Variants in BOD1L1 observed in about 807,000 individuals in gnomAD.
BOD1L1 encodes the protein biorientation of chromosomes in cell division 1 like 1.
In BOD1L1, 86 loss-of-function variants were observed where a neutral mutation model predicts 240.7. That is an observed-to-expected ratio of 0.36 (90% CI 0.30 to 0.43). The LOEUF is 0.43. BOD1L1 is among the 20% of genes least tolerant of loss of function. The probability of loss-of-function intolerance (pLI) is 1.00; values close to 1 mark genes in which losing one functional copy is unlikely to be tolerated. For synonymous variants in BOD1L1, 1,268 were observed against 1,272.3 expected (o/e 1.00, Z 0.07); for missense variants, 3,554 against 3,643.5 (o/e 0.98, Z 0.63).
At position 13,614,559 on chromosome 4, in the gene BOD1L1, G is replaced by C. The variant is rs747820118; in HGVS notation, c.811C>G (p.Leu271Val). ...KSTADSGGEGLETAPKSEEFS... is the reference protein window; with the variant it reads ...KSTADSGGEGVETAPKSEEFS... ...TCTTCAGACTTTGGGGCTGTTTCCA[G>C]TCCTTCACCTCCAGAGTCAGCTGTA... The change falls in exon 4 of 26, where the codon CTG becomes GTG. Residue 271 changes from leucine (L) to valine (V), a missense_variant. By Grantham distance (32) the Leu-to-Val change is conservative. Transcript: ENST00000040738. 3 of 1,613,952 alleles carry C rather than the reference G, an allele frequency of 1.9e-6. No homozygotes were observed. Among genetic ancestry groups the C allele is most frequent in the Non-Finnish European group, 2.5e-6 (3 of 1,179,882 alleles).
At chr4:13,598,272 A>C (rs1235402492) in intron 10 of BOD1L1, among the ~76,000 whole-genome samples, 1 of 152,228 alleles carries the variant, frequency 6.6e-6, no homozygotes. Flanking sequence ...TATATTCTAA[A>C]CTAGAAACTC....
intron 2 of BOD1L1, among the ~76,000 whole-genome samples, chr4:13,618,549 C>T (rs1032051313): frequency 6.6e-6 from 1 of 152,334 alleles, no homozygotes. Flanking sequence ...TATTATTATG[C>T]AGCCTTCTAA....
intron 1 of BOD1L1, chr4:13,623,398 C>A (rs759424922): frequency 6.6e-6 from 1 of 152,182 alleles, no homozygotes; most frequent in Admixed American, 6.5e-5. Context: ...ACCTGGCTGG[C>A]GAGCTCCCTG....
chr4:13,585,652 T>G (rs1014329264), intron 17 of BOD1L1, among the ~76,000 whole-genome samples: 2 of 152,152 alleles, frequency 1.3e-5, no homozygotes, highest in South Asian at 4.2e-4. Context: ...GTGATATGAT[T>G]TGGCTGTGAC....
chr4:13,596,848 T>C (rs868096845), intron 11 of BOD1L1, among the ~76,000 whole-genome samples: 6 of 152,140 alleles, frequency 3.9e-5, no homozygotes, highest in Admixed American at 2.0e-4. Flanking sequence ...TGGCGATAGA[T>C]TAAATGTGGG....
Position 13,604,267 on chromosome 4 carries a change from A to G in BOD1L1, c.2633T>C (p.Met878Thr), listed in dbSNP as rs1469447006. 10 of 1,611,180 alleles carry G rather than the reference A, an allele frequency of 6.2e-6. No homozygotes were observed. Among genetic ancestry groups the G allele is most frequent in the Middle Eastern group, 1.6e-4 (1 of 6,072 alleles). Residue 878 changes from methionine to threonine, a missense_variant, in exon 10 of 26, where the codon ATG becomes ACG. Coordinates refer to ENST00000040738, the MANE Select transcript of BOD1L1 (RefSeq NM_148894.3). Reference protein sequence around the residue: ...SESYSEDKCDMDSTNMDSNLK... With the variant: ...SESYSEDKCDTDSTNMDSNLK... ...ATTACTATCCATGTTAGTGGAGTCC[A>G]TATCACACTTATCTTCCGAATAACT...
At chr4:13,594,944 T>A (rs972243007) in intron 12 of BOD1L1, among the ~76,000 whole-genome samples, 2 of 152,066 alleles carry the variant, frequency 1.3e-5, no homozygotes, top group Non-Finnish European at 2.9e-5. Context: ...AACCCAACCG[T>A]CTATCTGTAA....
In BOD1L1 at chr4:13,615,297, G is replaced by A. The variant is rs1353109618; in HGVS notation, c.559+15C>T. The stretch of plus-strand genomic sequence containing the variant: ...AGAAAAACAATGGAACTGACCAAGA[G>A]TAAAAGCAAAGCACCTTGTGTAATA... On this transcript the variant is annotated intron_variant, in intron 3 of 25. Transcript: ENST00000040738. 6.3e-7 allele frequency: 1 copy of A among 1,590,126 alleles called. No homozygotes were observed. The highest frequency in any genetic ancestry group is 2.3e-5 in the East Asian group (1 of 44,426).
chr4:13,591,007 G>A (rs1272306723), intron 13 of BOD1L1, among the ~76,000 whole-genome samples: 1 of 152,074 alleles, frequency 6.6e-6, no homozygotes, highest in Admixed American at 6.5e-5. Flanking sequence ...GAACATGCCA[G>A]CTGGCTCGGT....
intron 22 of BOD1L1, 56 bp downstream of exon 22, chr4:13,579,872 C>A: frequency 7.1e-7 from 1 of 1,415,180 alleles, no homozygotes; most frequent in Non-Finnish European, 9.6e-7. Context: ...CTCCAACAGC[C>A]AGCCTCTCCT....
At position 13,588,705 on chromosome 4, in the gene BOD1L1, AG is replaced by A; in HGVS notation, c.8280+16del. On this transcript the variant is annotated intron_variant, in intron 15 of 25. Transcript: ENST00000040738. ...TTATGTATAAAATATCAAACACTTGAGTTTATTAAAATGCACCTCTTTAGGA... is the reference window on the plus strand; with the variant it reads ...TTATGTATAAAATATCAAACACTTGATTTATTAAAATGCACCTCTTTAGGA... 1 of 1,570,070 alleles carries A rather than the reference AG, an allele frequency of 6.4e-7. No homozygotes were observed. The highest frequency in any genetic ancestry group is 8.7e-7 in the Non-Finnish European group (1 of 1,155,120).
intron 18 of BOD1L1, 57 bp from the exon 19 acceptor site, chr4:13,582,367 C>G: frequency 8.6e-6 from 12 of 1,394,506 alleles, no homozygotes; most frequent in Non-Finnish European, 1.2e-5. Flanking sequence ...CCTTCCCCAC[C>G]TTTACCCAGG....
rs114600785 is a variant in BOD1L1, at chr4:13,590,117, G to A, written c.8209+269C>T. ...TCGTTTTGTATTTATGTTGGATTGA[G>A]TCAACTGGGAGATTAATGGCAAAGT... On this transcript the variant is annotated intron_variant, in intron 14 of 25. Coordinates refer to ENST00000040738, the MANE Select transcript of BOD1L1 (RefSeq NM_148894.3). Among the ~76,000 whole-genome samples the A allele has an allele frequency of 4.6e-3, 705 of 152,290 alleles. 6 individuals are homozygous for A. Among genetic ancestry groups the A allele is most frequent in the African/African-American group, 0.016 (667 of 41,558 alleles).
At chr4:13,620,181 G>C in intron 1 of BOD1L1, 114 bp from the exon 2 acceptor site, 1 of 1,138,220 alleles carries the variant, frequency 8.8e-7, no homozygotes, top group South Asian at 1.8e-5. Context: ...TGACAATTCT[G>C]CTTCAAGATA....
In BOD1L1 at chr4:13,627,479, C is replaced by T. The variant is rs767336033; in HGVS notation, c.109G>A (p.Gly37Ser). The T allele has an allele frequency of 5.9e-6, 6 of 1,024,574 alleles. No homozygotes were observed. The highest frequency in any genetic ancestry group is 7.0e-6 in the Non-Finnish European group (6 of 859,978). 63.5% of individuals were successfully genotyped at this position (1,024,574 alleles called of 1,614,324 possible). The change falls in exon 1 of 26, where the codon GGC becomes AGC. Residue 37 changes from glycine (G) to serine (S), a missense_variant. By Grantham distance (56) the Gly-to-Ser change is moderately conservative (BLOSUM62 0). Around this residue, in one of 2 missense-constraint regions of BOD1L1, gnomAD observed 161 missense variants for 216.4 expected, o/e 0.74. Coordinates refer to ENST00000040738, the MANE Select transcript of BOD1L1 (RefSeq NM_148894.3). ...PPPPGPGAGPGAGGAGGAGAG... is the reference protein window; with the variant it reads ...PPPPGPGAGPSAGGAGGAGAG... ...CCCGCGCCGCCCGCCCCGCCCGCGC[C>T]GGGGCCAGCCCCGGGGCCCGGCGGC...
Position 13,603,526 on chromosome 4 carries a change from T to A in BOD1L1, c.3374A>T (p.Glu1125Val), listed in dbSNP as rs1194793643. 6.2e-7 allele frequency: 1 copy of A among 1,613,938 alleles called. No individual in the cohort carries two copies. The highest frequency in any genetic ancestry group is 2.2e-5 in the East Asian group (1 of 44,898). ...PEQEPMEIDS[E>V]PGVENVFEVS... is the part of the protein sequence containing the mutation. ...TTCAAACACATTTTCAACACCTGGC[T>A]CAGAATCAATTTCCATTGGCTCTTG... The change falls in exon 10 of 26, where the codon GAG becomes GTG. Residue 1125 changes from glutamate to valine, a missense_variant. This residue lies in a region of BOD1L1 where 3,393 missense variants were observed against 3,427.1 expected (regional missense o/e 0.99). Transcript: ENST00000040738.
chr4:13,582,198 A>T, intron 19 of BOD1L1, 39 bp downstream of exon 19: 1 of 1,531,464 alleles, frequency 6.5e-7, no homozygotes, highest in South Asian at 1.1e-5. Flanking sequence ...TTAGTGCTTA[A>T]ATAATTGTGA....
chr4:13,586,508 A>C, intron 16 of BOD1L1, 33 bp from the exon 17 acceptor site: 3 of 1,424,352 alleles, frequency 2.1e-6, no homozygotes, highest in Non-Finnish European at 2.9e-6. Flanking sequence ...TCACAAAGGA[A>C]CAAAAGCTAA....
intron 15 of BOD1L1, 79 bp from the exon 16 acceptor site, chr4:13,587,850 T>C (rs922214512): frequency 3.3e-5 from 32 of 962,800 alleles, no homozygotes; most frequent in Non-Finnish European, 4.5e-5. Context: ...CTGTACTAGA[T>C]TCTAACCTTT....
Sources: gnomAD v4.1 joint callset for allele counts (sites outside exome capture counted in the v4.1 genomes callset) on GRCh38, gnomAD v4.1.1 for gene constraint, gnomAD v4.1.1 regional missense constraint, MANE v1.5 for transcripts, NCBI Gene and HGNC (gene_info 2026-07-23, HGNC 2026-07-21) for gene names.